The following NCOR2 variants were observed in gnomAD, a reference collection of about 807,000 sequenced individuals.
NCOR2 encodes the protein CTG repeat protein 26.
Under a neutral mutation model 262.9 loss-of-function variants are expected in NCOR2, and 81 were observed. The observed-to-expected ratio is 0.31, with a 90% CI of 0.26 to 0.37. NCOR2 has a LOEUF of 0.37. Ranked by LOEUF, NCOR2 falls within the 10% of genes least tolerant of loss-of-function variation. The pLI is 1.00. For synonymous variants in NCOR2, 1,659 were observed against 1,559.3 expected (o/e 1.06, Z -1.51); for missense variants, 3,385 against 3,621.4 (o/e 0.93, Z 1.68).
intron 24 of NCOR2, 130 bp from the exon 27 acceptor site, chr12:124,355,069 G>A (rs899449058): frequency 1.5e-5 from 11 of 756,062 alleles, no homozygotes; most frequent in African/African-American, 9.0e-5. Flanking sequence ...GCTGTGTGAC[G>A]GCAGACAAGT....
Position 124,374,428 on chromosome 12 carries a change from C to G in NCOR2, c.2203G>C (p.Glu735Gln), listed in dbSNP as rs371284044. 65 of 1,612,856 alleles carry G rather than the reference C, an allele frequency of 4.0e-5. No individual in the cohort carries two copies. Among genetic ancestry groups the G allele is most frequent in the Middle Eastern group, 1.6e-4 (1 of 6,078 alleles). ...ACATTCGTACCTGGGCCACTGCATT[C>G]CCCTCTGGGCACCTCATTCCCAGAG... The change falls in exon 19 of 47, where the codon GAA becomes CAA. Residue 735 changes from glutamate to glutamine, a missense_variant. Glu to Gln is a conservative substitution (Grantham distance 29). Around this residue, in one of 5 missense-constraint regions of NCOR2, gnomAD observed 1,615 missense variants for 1,626.9 expected, o/e 0.99. Coordinates refer to ENST00000405201, the Ensembl canonical transcript of NCOR2.
At chr12:124,332,163 T>G in intron 43 of NCOR2, 156 bp downstream of exon 45, 2 of 877,520 alleles carry the variant, frequency 2.3e-6, no homozygotes, top group Non-Finnish European at 3.4e-6. Context: ...GCTCCCCAAA[T>G]GTGAGGCAAA....
chr12:124,446,623 T>C (rs569942776), intron 7 of NCOR2, among the ~76,000 whole-genome samples: 1 of 152,144 alleles, frequency 6.6e-6, no homozygotes, highest in Non-Finnish European at 1.5e-5. Flanking sequence ...TGTCATGGCC[T>C]GCCCTGACCT....
At chr12:124,373,709 CAT>C (rs1208100060) in intron 19 of NCOR2, among the ~76,000 whole-genome samples, 678 of 59,950 alleles carry the variant, frequency 0.011, 13 homozygotes, top group Non-Finnish European at 0.017. Flanking sequence ...AGTGGACAAT[CAT>C]GAGGCCAGTG....
At chr12:124,396,921 A>C (rs752997913) in intron 16 of NCOR2, among the ~76,000 whole-genome samples, 65 of 152,312 alleles carry the variant, frequency 4.3e-4, no homozygotes, top group Non-Finnish European at 8.4e-4. Context: ...CACGACCTGG[A>C]GCTTTCTGCA....
intron 7 of NCOR2, among the ~76,000 whole-genome samples, chr12:124,445,936 G>A (rs1733748024): frequency 6.6e-6 from 1 of 152,218 alleles, no homozygotes; most frequent in Admixed American, 6.5e-5. Context: ...AGCCCTAGAG[G>A]GCAAGTGACT....
Position 124,333,296 on chromosome 12 carries a change from C to T in NCOR2, c.6606-17G>A, listed in dbSNP as rs776993262. The stretch of plus-strand genomic sequence containing the variant: ...TCTGGAGACCTGGATGGAGAAAGGG[C>T]CCCAGATGTGGTCAGAGGTCTCCCT... On this transcript the variant is annotated splice_polypyrimidine_tract_variant and intron_variant, in intron 41 of 46. Coordinates refer to ENST00000405201, the Ensembl canonical transcript of NCOR2. The T allele has an allele frequency of 3.8e-6, 6 of 1,584,444 alleles. 1 individual carries two copies. In the South Asian group the frequency reaches 6.9e-5, roughly 18 times the overall value.
At chr12:124,499,252 C>A (rs2048551377), upstream of NCOR2, among the ~76,000 whole-genome samples, 1 of 152,216 alleles carries the variant, frequency 6.6e-6, no homozygotes, top group South Asian at 2.1e-4. Flanking sequence ...TGGATCCGGG[C>A]TGGAGGGGGA....
chr12:124,410,934 G>A (rs1239958471), intron 13 of NCOR2, among the ~76,000 whole-genome samples: 1 of 151,588 alleles, frequency 6.6e-6, no homozygotes, highest in Admixed American at 6.6e-5. Flanking sequence ...ACAGGGGGCT[G>A]TAGTGGGAGG....
chr12:124,502,380 G>A (rs1292727944), intron 1 of NCOR2, among the ~76,000 whole-genome samples: 3 of 152,160 alleles, frequency 2.0e-5, no homozygotes, highest in Non-Finnish European at 4.4e-5. Context: ...TGAGACGGGA[G>A]TAAGAGGATG....
chr12:124,541,969 C>A (rs895154749), intron 1 of NCOR2, among the ~76,000 whole-genome samples: 4 of 150,642 alleles, frequency 2.7e-5, no homozygotes, highest in African/African-American at 9.8e-5. Flanking sequence ...GTGTTCCTGG[C>A]CACAGGAGGG....
At chr12:124,368,873 C>A (rs760322190) in intron 20 of NCOR2, among the ~76,000 whole-genome samples, 5 of 152,258 alleles carry the variant, frequency 3.3e-5, no homozygotes, top group Non-Finnish European at 7.3e-5. Flanking sequence ...GCGCCCCCGG[C>A]GCCTGGCGCA....
chr12:124,374,906 C>G (rs1468001713), intron 18 of NCOR2, among the ~76,000 whole-genome samples: 2 of 152,204 alleles, frequency 1.3e-5, no homozygotes, highest in Non-Finnish European at 2.9e-5. Flanking sequence ...TCATTGCCCC[C>G]CCACCAACCC....
At chr12:124,461,984 A>ACATACACACATGCCCG (rs1370143643) in intron 5 of NCOR2, among the ~76,000 whole-genome samples, 1 of 152,198 alleles carries the variant, frequency 6.6e-6, no homozygotes, top group East Asian at 1.9e-4. Context: ...AGAGGTCCAC[A>ACATACACACATGCCCG]CATACACACA....
At chr12:124,346,687 C>T (rs1397765488) in exon 31 of NCOR2, 1 of 1,574,858 alleles carries the variant, frequency 6.3e-7, no homozygotes, top group Non-Finnish European at 8.6e-7. Flanking sequence ...CCACCAGGCC[C>T]TCATGGGCCG....
At chr12:124,358,039 T>C (rs1160308474) in intron 22 of NCOR2, among the ~76,000 whole-genome samples, 1 of 144,906 alleles carries the variant, frequency 6.9e-6, no homozygotes, top group Non-Finnish European at 1.5e-5. Context: ...TGTGAGTGCA[T>C]GGATGTGTGT....
At position 124,454,215 on chromosome 12, in the gene NCOR2, C is replaced by T. The variant is rs1273635622; in HGVS notation, c.762+2891G>A. Among the ~76,000 whole-genome samples, 2 of 152,190 alleles carry T rather than the reference C, an allele frequency of 1.3e-5. No individual in the cohort carries two copies. The highest frequency in any genetic ancestry group is 2.9e-5 in the Non-Finnish European group (2 of 68,026). On this transcript the variant is annotated intron_variant, in intron 6 of 46. Transcript: ENST00000405201. This position sits in a 1 kb window ranked among gnomAD's most constrained non-coding sequence, Gnocchi z 5.6. ...CTGTGTGGCCCGGCACAAGGCACTC[C>T]TCTCACTGAGCCTCATCCAGAAAAT...
intron 11 of NCOR2, 75 bp from the exon 14 acceptor site, chr12:124,422,630 G>A (rs1237021789): frequency 2.5e-6 from 4 of 1,572,126 alleles, no homozygotes; most frequent in Non-Finnish European, 3.5e-6. Flanking sequence ...CGGCTCCCAG[G>A]CGCCTGCCAT....
intron 20 of NCOR2, among the ~76,000 whole-genome samples, chr12:124,368,018 A>G (rs11057601): frequency 0.48 from 72,812 of 152,158 alleles, 19,557 homozygotes; most frequent in Non-Finnish European, 0.59. Context: ...AGGGCCTGGC[A>G]CAGAGTATGT....
Sources: gnomAD v4.1 joint callset for allele counts (sites outside exome capture counted in the v4.1 genomes callset) on GRCh38, gnomAD v4.1.1 for gene constraint, gnomAD v4.1.1 regional missense constraint, Gnocchi (gnomAD v3.1) non-coding constraint, MANE v1.5 for transcripts, NCBI Gene and HGNC (gene_info 2026-07-23, HGNC 2026-07-21) for gene names.